Variants in DNAH2 observed in about 807,000 individuals in gnomAD.
The protein encoded by DNAH2 is dynein axonemal heavy chain 2.
In DNAH2, 323 loss-of-function variants were observed where a neutral mutation model predicts 523.5. The ratio of observed to expected loss-of-function variants is 0.62; its 90% CI spans 0.56 to 0.68. DNAH2 has a LOEUF of 0.68. Ranked by LOEUF, DNAH2 falls within the 30% of genes least tolerant of loss-of-function variation. DNAH2 has a pLI of 0.00. For missense variants in DNAH2, 4,907 were observed against 5,701.5 expected, an observed-to-expected ratio of 0.86 and a Z score of 4.49; for synonymous variants, 2,093 against 2,177.4, an observed-to-expected ratio of 0.96 and a Z score of 1.08.
At position 7,817,385 on chromosome 17, in the gene DNAH2, T is replaced by A. The variant is rs539871750; in HGVS notation, c.9990T>A (p.Asp3330Glu). ...YMGPFLTNYR[D>E]EIVNQIWIGK... Reference sequence around the variant, plus strand: ...GACCCTTCCTGACCAACTACCGGGATGAGATTGTCAACCAAATCTGGATCG... The same window carrying A: ...GACCCTTCCTGACCAACTACCGGGAAGAGATTGTCAACCAAATCTGGATCG... Residue 3330 changes from aspartate to glutamate, a missense_variant, in exon 65 of 86, where the codon GAT (aspartate) becomes GAA (glutamate). This residue lies in a region of DNAH2 where 1,851 missense variants were observed against 2,139.4 expected (regional missense o/e 0.87). Coordinates refer to ENST00000572933, the MANE Select transcript of DNAH2 (RefSeq NM_020877.5). 1.6e-4 allele frequency: 261 copies of A among 1,613,000 alleles called. 3 individuals are homozygous for A. The South Asian group carries it at 2.8e-3, about 17-fold the overall frequency.
Position 7,798,473 on chromosome 17 carries a change from G to C in DNAH2, c.8399-85G>C. 6.4e-7 allele frequency: 1 copy of C among 1,571,658 alleles called. No homozygotes were observed. Among genetic ancestry groups the C allele is most frequent in the South Asian group, 1.2e-5 (1 of 85,196 alleles). On this transcript the variant is annotated intron_variant, in intron 54 of 85. Coordinates refer to ENST00000572933, the MANE Select transcript of DNAH2 (RefSeq NM_020877.5). The surrounding 1 kb of genome is among the most constrained non-coding windows in gnomAD (Gnocchi z 5.5). ...GTGTCGCGTGTATGCTGCGGGGCGGGGAGGGTTCCTAAATCTCAGAAAAGG... is the reference window on the plus strand; with the variant it reads ...GTGTCGCGTGTATGCTGCGGGGCGGCGAGGGTTCCTAAATCTCAGAAAAGG...
chr17:7,797,121 ACT>A, intron 50 of DNAH2, 53 bp from the exon 51 acceptor site: 4 of 1,393,834 alleles, frequency 2.9e-6, no homozygotes, highest in South Asian at 1.2e-5. Flanking sequence ...AAAAAAAAAA[ACT>A]TCTGGAGGGA....
intron 3 of DNAH2, among the ~76,000 whole-genome samples, chr17:7,725,296 G>T (rs564517852): frequency 5.3e-4 from 79 of 150,426 alleles, no homozygotes; most frequent in African/African-American, 1.8e-3. Flanking sequence ...CATCATGTTG[G>T]CCAGGCTGGT....
At chr17:7,790,993 C>T (rs2076880723) in intron 44 of DNAH2, among the ~76,000 whole-genome samples, 1 of 152,174 alleles carries the variant, frequency 6.6e-6, no homozygotes, top group Admixed American at 6.5e-5. Flanking sequence ...AGTCATGAGC[C>T]ACCATGTCTG....
chr17:7,734,247 G>T lies in DNAH2; in HGVS notation c.693G>T (p.Lys231Asn). 1 of 1,607,386 alleles carries T rather than the reference G, an allele frequency of 6.2e-7. No homozygotes were observed. The highest frequency in any genetic ancestry group is 8.5e-7 in the Non-Finnish European group (1 of 1,176,726). Reference protein sequence around the residue: ...LYIPAEAMNMKPEMVIKDKEL... With the variant: ...LYIPAEAMNMNPEMVIKDKEL... ...TCCCTGCAGAGGCCATGAACATGAA[G>T]CCTGAGATGGTGATAAAGGACAAAG... Residue 231 changes from lysine to asparagine, a missense_variant, in exon 6 of 86, where the codon AAG (lysine) becomes AAT (asparagine). Coordinates refer to ENST00000572933, the MANE Select transcript of DNAH2 (RefSeq NM_020877.5).
Position 7,787,718 on chromosome 17 carries a change from G to A in DNAH2, c.6604-142G>A, listed in dbSNP as rs565752932. 2.2e-5 allele frequency: 25 copies of A among 1,154,098 alleles called. No individual in the cohort carries two copies. The Admixed American group carries it at 3.5e-4, about 16-fold the overall frequency. 71.5% of individuals were successfully genotyped at this position (1,154,098 alleles called of 1,614,324 possible). On this transcript the variant is annotated intron_variant, in intron 42 of 85. Coordinates refer to ENST00000572933, the MANE Select transcript of DNAH2 (RefSeq NM_020877.5). ...GCCACTGCACTCCAGCCTGGGTGAC[G>A]GAGTGAGACTTTGTCTTAAAAAAAA...
chr17:7,793,505 TTC>T (rs1567709585), intron 48 of DNAH2, among the ~76,000 whole-genome samples: 1 of 133,294 alleles, frequency 7.5e-6, no homozygotes, highest in Non-Finnish European at 1.8e-5. Flanking sequence ...CTTTCTTTCT[TTC>T]TTTCTTTCTT....
chr17:7,804,171 G>GACACAC (rs903254723), intron 58 of DNAH2, 85 bp from the exon 59 acceptor site: 7 of 1,408,518 alleles, frequency 5.0e-6, no homozygotes, highest in Non-Finnish European at 6.9e-6. Context: ...GCGGACTCGA[G>GACACAC]ACACACGGGG....
intron 42 of DNAH2, chr17:7,787,386 C>T: frequency 8.5e-6 from 3 of 350,890 alleles, no homozygotes; most frequent in South Asian, 5.0e-5. Flanking sequence ...TCCAACAATG[C>T]GAGCAAGAGA....
intron 49 of DNAH2, among the ~76,000 whole-genome samples, chr17:7,795,216 G>A (rs959249125): frequency 6.6e-6 from 1 of 152,018 alleles, no homozygotes; most frequent in Non-Finnish European, 1.5e-5. Flanking sequence ...AATTTATGAT[G>A]AGCAAAATAC....
At chr17:7,722,228 C>T (rs1289338443) in intron 2 of DNAH2, among the ~76,000 whole-genome samples, 3 of 151,824 alleles carry the variant, frequency 2.0e-5, no homozygotes, top group South Asian at 4.2e-4. Flanking sequence ...TGGTCTCGAA[C>T]GCCTGACTTC....
chr17:7,738,898 C>T (rs1450467776), intron 8 of DNAH2: 1 of 698,452 alleles, frequency 1.4e-6, no homozygotes, highest in Admixed American at 2.0e-5. Flanking sequence ...TCTTGCCTTC[C>T]AATTCAGTCG....
chr17:7,741,236 C>CTCTCTCTCTTTCTTTCTT (rs1555540638), intron 11 of DNAH2, among the ~76,000 whole-genome samples: 2 of 85,594 alleles, frequency 2.3e-5, no homozygotes, highest in African/African-American at 4.2e-5. Flanking sequence ...TTTTCTCTCT[C>CTCTCTCTCTTTCTTTCTT]TCTTTCTTTC....
At chr17:7,784,682 A>T (rs1310019364) in intron 39 of DNAH2, among the ~76,000 whole-genome samples, 3 of 152,250 alleles carry the variant, frequency 2.0e-5, no homozygotes, top group Non-Finnish European at 4.4e-5. Context: ...TCAAAGGAAG[A>T]TATTCAGACC....
chr17:7,774,751 CT>C lies in DNAH2; in HGVS notation c.4502-6del, dbSNP rs777526946. 1.0e-4 allele frequency: 168 copies of C among 1,611,366 alleles called. 1 individual carries two copies. In the Middle Eastern group the frequency reaches 1.8e-3, roughly 17 times the overall value. Reference sequence around the variant, plus strand: ...GAATCAAATGTCATTCATCGCTCTTCTTCCCAGGCCTCCTGGACACATTGAT... The same window carrying C: ...GAATCAAATGTCATTCATCGCTCTTCTCCCAGGCCTCCTGGACACATTGAT... On this transcript the variant is annotated splice_polypyrimidine_tract_variant and splice_region_variant and intron_variant, in intron 28 of 85. Transcript: ENST00000572933.
rs374731399 is a variant in DNAH2 at position 7,770,729 on chromosome 17, T to C, written c.4182-24T>C. The C allele has an allele frequency of 2.5e-5, 40 of 1,613,918 alleles. No homozygotes were observed. The African/African-American group carries it at 5.3e-4, about 22-fold the overall frequency. On this transcript the variant is annotated intron_variant, in intron 26 of 85. Transcript: ENST00000572933. ...AGGTTGGGCAGGTGGGGATGAACTA[T>C]GATTTTGACCCCTTGTGTCTCAGAG...
intron 18 of DNAH2, among the ~76,000 whole-genome samples, chr17:7,763,392 G>A (rs1597575891): frequency 1.3e-5 from 2 of 151,872 alleles, no homozygotes; most frequent in African/African-American, 2.4e-5. Flanking sequence ...GTGATCTGCC[G>A]GCCTCGGCCT....
intron 20 of DNAH2, 145 bp downstream of exon 20, chr17:7,764,418 CCTTTA>C: frequency 2.1e-6 from 2 of 951,598 alleles, no homozygotes; most frequent in Middle Eastern, 5.2e-4. Flanking sequence ...TCAAATGATA[CCTTTA>C]CTTAGCTTCT....
intron 6 of DNAH2, 48 bp from the exon 7 acceptor site, chr17:7,734,422 G>T: frequency 6.2e-7 from 1 of 1,605,522 alleles, no homozygotes; most frequent in South Asian, 1.1e-5. Context: ...GGATGCTGTT[G>T]GGAAGCAGTG....
Sources: gnomAD v4.1 joint callset for allele counts (sites outside exome capture counted in the v4.1 genomes callset) on GRCh38, gnomAD v4.1.1 for gene constraint, gnomAD v4.1.1 regional missense constraint, Gnocchi (gnomAD v3.1) non-coding constraint, MANE v1.5 for transcripts, NCBI Gene and HGNC (gene_info 2026-07-23, HGNC 2026-07-21) for gene names.